The following RMDN2 variants were observed in gnomAD, a reference collection of about 807,000 sequenced individuals.
The protein encoded by RMDN2 is regulator of microtubule dynamics protein 2.
RMDN2 carries 61 observed loss-of-function variants against 52.8 expected under a neutral mutation model. The observed-to-expected ratio is 1.16, with a 90% CI of 0.94 to 1.43. The LOEUF is 1.43. RMDN2 is among the 40% of genes most tolerant of loss of function. RMDN2 has a pLI of 0.00. For missense variants in RMDN2, 592 were observed against 475.3 expected (o/e 1.25, Z -2.28); for synonymous variants, 180 against 153.1 (o/e 1.18, Z -1.30).
intron 10 of RMDN2, among the ~76,000 whole-genome samples, chr2:38,063,273 G>C (rs2125310185): frequency 6.6e-6 from 1 of 152,246 alleles, no homozygotes; most frequent in Non-Finnish European, 1.5e-5. Flanking sequence ...ATCCTCTCCA[G>C]CACCTGTTGT....
rs753302665 is a variant in RMDN2, at chr2:38,004,234, C to A, written c.1179+18C>A. 2 of 1,557,072 alleles carry A rather than the reference C, an allele frequency of 1.3e-6. No individual in the cohort carries two copies. The highest frequency in any genetic ancestry group is 2.2e-5 in the East Asian group (1 of 44,558). The stretch of plus-strand genomic sequence containing the variant: ...CCAAAGAGGTAAGTCCAGAAAGTGA[C>A]AGTGAGTGCTGTTGTCTTGTTAGTA... On this transcript the variant is annotated intron_variant, in intron 10 of 10. Transcript: ENST00000354545.
intron 7 of RMDN2, among the ~76,000 whole-genome samples, chr2:37,993,596 C>G (rs1433356139): frequency 3.9e-5 from 6 of 152,052 alleles, no homozygotes; most frequent in Non-Finnish European, 7.4e-5. Flanking sequence ...TACTGGTAAG[C>G]CAGCCTTGAA....
intron 10 of RMDN2, among the ~76,000 whole-genome samples, chr2:38,041,228 G>A (rs2125288668): frequency 6.6e-6 from 1 of 152,224 alleles, no homozygotes; most frequent in African/African-American, 2.4e-5. Flanking sequence ...ACCCAGCAGT[G>A]TCTGACAAAT....
intron 8 of RMDN2, 56 bp from the exon 9 acceptor site, chr2:38,003,935 G>T (rs1676701160): frequency 3.2e-6 from 4 of 1,259,922 alleles, no homozygotes; most frequent in Non-Finnish European, 4.7e-6. Flanking sequence ...TTCACTTGTG[G>T]TTACTGTTAT....
At chr2:37,949,017 A>G (rs183498381) in intron 2 of RMDN2, among the ~76,000 whole-genome samples, 1 of 152,326 alleles carries the variant, frequency 6.6e-6, no homozygotes, top group East Asian at 1.9e-4. Context: ...TAGAAACTTT[A>G]TAAGCATTAC....
intron 10 of RMDN2, among the ~76,000 whole-genome samples, chr2:38,049,580 A>T (rs1166923093): frequency 1.3e-5 from 2 of 152,076 alleles, no homozygotes; most frequent in Non-Finnish European, 2.9e-5. Context: ...GAAATTTTTT[A>T]TTGCATTTTA....
At chr2:38,045,102 T>G (rs556317088) in intron 10 of RMDN2, among the ~76,000 whole-genome samples, 1 of 152,320 alleles carries the variant, frequency 6.6e-6, no homozygotes, top group African/African-American at 2.4e-5. Flanking sequence ...TGTTAATTTA[T>G]TAAAAGAGAA....
rs139842160 is a variant in RMDN2, at chr2:38,002,084, C to T, written c.1045-1907C>T. Among the ~76,000 whole-genome samples the T allele has an allele frequency of 1.8e-4, 28 of 152,324 alleles. No homozygotes were observed. In the East Asian group the frequency reaches 3.9e-3, roughly 21 times the overall value. ...TACCCTAGTAGGAGATTTTTGTCCT[C>T]CTTCTTCTAGAACCCTTCTCTTTTG... On this transcript the variant is annotated intron_variant, in intron 8 of 10. Coordinates refer to ENST00000354545, the MANE Select transcript of RMDN2 (RefSeq NM_001170791.3).
rs772870132 is a variant in RMDN2 at position 37,981,245 on chromosome 2, A to G, written c.731-38A>G. 3 of 1,225,230 alleles carry G rather than the reference A, an allele frequency of 2.4e-6. No individual in the cohort carries two copies. The South Asian group carries it at 3.6e-5, about 15-fold the overall frequency. 75.9% of individuals were successfully genotyped at this position (1,225,230 alleles called of 1,614,324 possible). On this transcript the variant is annotated intron_variant, in intron 4 of 10. Transcript: ENST00000354545. ...TCAATAATCCACCTCCTACCAACTCACATGAAGGTATTAAGTGTAAGTACT... is the reference window on the plus strand; with the variant it reads ...TCAATAATCCACCTCCTACCAACTCGCATGAAGGTATTAAGTGTAAGTACT...
At chr2:37,966,910 C>A (rs555478184) in intron 2 of RMDN2, among the ~76,000 whole-genome samples, 16 of 151,840 alleles carry the variant, frequency 1.1e-4, no homozygotes, top group Admixed American at 4.6e-4. Context: ...TGATAAAAGC[C>A]CCTATCAGAG....
chr2:37,932,962 G>C (rs1173370446), intron 2 of RMDN2, among the ~76,000 whole-genome samples: 2 of 150,618 alleles, frequency 1.3e-5, no homozygotes, highest in African/African-American at 4.9e-5. Context: ...GGGCGGAGAC[G>C]CTCCTCACTT....
intron 10 of RMDN2, among the ~76,000 whole-genome samples, chr2:38,063,160 A>G (rs1005343375): frequency 1.3e-5 from 2 of 152,154 alleles, no homozygotes; most frequent in African/African-American, 4.8e-5. Context: ...GTCAAATGGT[A>G]TTTCTAGTTC....
intron 10 of RMDN2, among the ~76,000 whole-genome samples, chr2:38,043,765 T>G (rs532246326): frequency 1.3e-5 from 2 of 152,126 alleles, no homozygotes; most frequent in Non-Finnish European, 2.9e-5. Flanking sequence ...CAGACATCTT[T>G]TAGTAATATA....
At chr2:38,000,569 T>G (rs577540795) in intron 8 of RMDN2, among the ~76,000 whole-genome samples, 2 of 152,316 alleles carry the variant, frequency 1.3e-5, no homozygotes, top group Admixed American at 1.3e-4. Context: ...TTTTGCCCAT[T>G]CTAAAATTTA....
At chr2:37,933,035 C>T (rs921570433) in intron 2 of RMDN2, among the ~76,000 whole-genome samples, 2 of 150,890 alleles carry the variant, frequency 1.3e-5, no homozygotes, top group African/African-American at 2.4e-5. Flanking sequence ...GGCTGCCGGG[C>T]GGAGGGACTC....
At chr2:38,044,527 T>C (rs1681155090) in intron 10 of RMDN2, among the ~76,000 whole-genome samples, 1 of 152,036 alleles carries the variant, frequency 6.6e-6, no homozygotes, top group Admixed American at 6.5e-5. Flanking sequence ...ATGTTACACC[T>C]TCTATAATTG....
At chr2:37,969,465 C>G (rs1671508171) in intron 2 of RMDN2, among the ~76,000 whole-genome samples, 1 of 150,976 alleles carries the variant, frequency 6.6e-6, no homozygotes, top group African/African-American at 2.4e-5. Context: ...TTATATTTTT[C>G]TTACTATTAT....
intron 2 of RMDN2, among the ~76,000 whole-genome samples, chr2:37,972,129 T>C (rs904278937): frequency 2.0e-5 from 3 of 152,310 alleles, no homozygotes; most frequent in African/African-American, 7.2e-5. Flanking sequence ...TTGAATATTT[T>C]ATTTAATTAT....
chr2:38,039,322 G>A (rs1421270731), intron 10 of RMDN2: 2 of 152,008 alleles, frequency 1.3e-5, no homozygotes, highest in African/African-American at 4.8e-5. Flanking sequence ...CACTTGTCTG[G>A]TCCCGAAGCC....
Sources: allele counts gnomAD v4.1 joint callset (sites outside exome capture counted in the v4.1 genomes callset), GRCh38; gene constraint gnomAD v4.1.1; transcripts MANE v1.5; gene names NCBI Gene and HGNC (gene_info 2026-07-23, HGNC 2026-07-21).